The following AOPEP variants were observed in gnomAD, a reference collection of about 807,000 sequenced individuals.
AOPEP encodes the protein aminopeptidase O.
A neutral mutation model predicts 98.1 loss-of-function variants in AOPEP; 77 were observed. The observed-to-expected ratio is 0.78, with a 90% CI of 0.65 to 0.95. AOPEP has a LOEUF of 0.95. Among genes scored for constraint, AOPEP ranks in the 40% least tolerant of loss-of-function variants. The pLI, the probability that AOPEP is intolerant of heterozygous loss-of-function variation, is 0.00. For missense variants in AOPEP, 1,024 were observed against 1,024.7 expected, an observed-to-expected ratio of 1.00 and a Z score of 0.01; for synonymous variants, 346 against 365.3, an observed-to-expected ratio of 0.95 and a Z score of 0.60.
intron 2 of AOPEP, among the ~76,000 whole-genome samples, chr9:94,766,993 C>T (rs1839780378): frequency 6.6e-6 from 1 of 152,028 alleles, no homozygotes. Flanking sequence ...CATGTTCTTC[C>T]TCCCCCCTCC....
chr9:95,090,573 A>C (rs2070853285), downstream of AOPEP, among the ~76,000 whole-genome samples: 1 of 152,054 alleles, frequency 6.6e-6, no homozygotes, highest in Non-Finnish European at 1.5e-5. Flanking sequence ...AGCAGCAGTG[A>C]CCACACCCTG....
chr9:94,900,620 A>G (rs563535495), intron 5 of AOPEP, among the ~76,000 whole-genome samples: 4 of 152,226 alleles, frequency 2.6e-5, no homozygotes, highest in Non-Finnish European at 5.9e-5. Flanking sequence ...GTGCTCGAGT[A>G]GAAGATTTCA....
At chr9:94,951,759 T>G (rs1179968071) in intron 7 of AOPEP, among the ~76,000 whole-genome samples, 1 of 152,202 alleles carries the variant, frequency 6.6e-6, no homozygotes, top group Non-Finnish European at 1.5e-5. Flanking sequence ...CTGTTTGCCT[T>G]CCTTCAGTCC....
At chr9:94,845,740 G>C (rs568003127) in intron 5 of AOPEP, among the ~76,000 whole-genome samples, 2 of 152,108 alleles carry the variant, frequency 1.3e-5, no homozygotes, top group Admixed American at 1.3e-4. Context: ...CATTTGTTGA[G>C]GGAGGGCTGG....
At chr9:95,032,298 G>A (rs567386324) in intron 13 of AOPEP, among the ~76,000 whole-genome samples, 4 of 152,238 alleles carry the variant, frequency 2.6e-5, no homozygotes, top group Non-Finnish European at 5.9e-5. Flanking sequence ...GTTCACAGGT[G>A]CAGGGGAGCT....
At chr9:94,989,095 TTTTG>T (rs111617572) in intron 11 of AOPEP, among the ~76,000 whole-genome samples, 15 of 151,602 alleles carry the variant, frequency 9.9e-5, no homozygotes, top group Middle Eastern at 3.4e-3. Flanking sequence ...TTTTTTTATT[TTTTG>T]TTTGTTTGTT....
At chr9:94,968,806 C>T (rs1247792829) in intron 10 of AOPEP, among the ~76,000 whole-genome samples, 1 of 152,120 alleles carries the variant, frequency 6.6e-6, no homozygotes, top group Non-Finnish European at 1.5e-5. Flanking sequence ...TTATAATCCT[C>T]TGTGTATCAG....
At chr9:94,761,294 T>G (rs1009709138) in intron 2 of AOPEP, among the ~76,000 whole-genome samples, 2 of 152,230 alleles carry the variant, frequency 1.3e-5, no homozygotes, top group Non-Finnish European at 2.9e-5. Flanking sequence ...CAGACCTTGC[T>G]CTAACAATTG....
chr9:94,729,422 T>TAAC (rs1829998850), intron 1 of AOPEP, among the ~76,000 whole-genome samples: 1 of 151,716 alleles, frequency 6.6e-6, no homozygotes, highest in Non-Finnish European at 1.5e-5. Context: ...ATACAAAAAT[T>TAAC]AGCCAGGCAT....
chr9:95,017,185 T>C (rs1436071445), intron 13 of AOPEP, among the ~76,000 whole-genome samples: 5 of 151,922 alleles, frequency 3.3e-5, no homozygotes. Flanking sequence ...TTTTTTTTTC[T>C]CCCTAACCAT....
chr9:94,960,820 G>A (rs1052165133), intron 9 of AOPEP, among the ~76,000 whole-genome samples: 4 of 152,152 alleles, frequency 2.6e-5, no homozygotes, highest in Admixed American at 2.6e-4. Context: ...AGACCATCTT[G>A]GCTAACACGG....
intron 1 of AOPEP, among the ~76,000 whole-genome samples, chr9:94,756,950 G>A (rs1427906772): frequency 6.6e-6 from 1 of 152,198 alleles, no homozygotes; most frequent in Non-Finnish European, 1.5e-5. Context: ...CTCACAGTAA[G>A]CCATGTTCTC....
At chr9:95,050,068 A>G (rs1298830933) in intron 13 of AOPEP, among the ~76,000 whole-genome samples, 2 of 152,208 alleles carry the variant, frequency 1.3e-5, no homozygotes, top group Admixed American at 6.5e-5. Flanking sequence ...ATAAAAGAAC[A>G]TTTTTATAAC....
At chr9:95,074,028 C>G (rs1221678211) in intron 14 of AOPEP, among the ~76,000 whole-genome samples, 1 of 152,210 alleles carries the variant, frequency 6.6e-6, no homozygotes. Flanking sequence ...GACCATCACT[C>G]TGCCCCGCAC....
At chr9:94,996,395 A>T (rs1030790722) in intron 11 of AOPEP, among the ~76,000 whole-genome samples, 15 of 136,064 alleles carry the variant, frequency 1.1e-4, no homozygotes, top group Admixed American at 6.7e-4. Context: ...TGTGTGTGAG[A>T]GAGAGATTTT....
chr9:94,739,902 A>G (rs952154274), intron 1 of AOPEP, among the ~76,000 whole-genome samples: 6 of 152,168 alleles, frequency 3.9e-5, no homozygotes, highest in Admixed American at 3.3e-4. Context: ...TGGAGTTTGC[A>G]TTGCCAAGGA....
At chr9:94,773,350 G>C (rs997146863) in intron 3 of AOPEP, 182 bp downstream of exon 3, 1 of 500,114 alleles carries the variant, frequency 2.0e-6, no homozygotes, top group Non-Finnish European at 3.5e-6. Flanking sequence ...TTAGGAGCCT[G>C]GGCATGGGAT....
intron 5 of AOPEP, among the ~76,000 whole-genome samples, chr9:94,854,711 G>C (rs77760522): frequency 1.2e-3 from 189 of 152,190 alleles, no homozygotes; most frequent in African/African-American, 4.3e-3. Flanking sequence ...TCTCTTCCCC[G>C]ATGGAACATT....
chr9:94,743,498 A>G (rs927706836), intron 1 of AOPEP, among the ~76,000 whole-genome samples: 1 of 152,244 alleles, frequency 6.6e-6, no homozygotes, highest in African/African-American at 2.4e-5. Flanking sequence ...AAAGGTTATA[A>G]CCTTCTGGTC....
Sources: allele counts gnomAD v4.1 joint callset (sites outside exome capture counted in the v4.1 genomes callset), GRCh38; gene constraint gnomAD v4.1.1; transcripts MANE v1.5; gene names NCBI Gene and HGNC (gene_info 2026-07-23, HGNC 2026-07-21).